The following PTPN4 variants were observed in gnomAD, a reference collection of about 807,000 sequenced individuals.
PTPN4 encodes the protein tyrosine-protein phosphatase non-receptor type 4.
A neutral mutation model predicts 135.5 loss-of-function variants in PTPN4; 49 were observed. The observed-to-expected ratio is 0.36, with a 90% confidence interval of 0.29 to 0.46. The LOEUF is 0.46. Among genes scored for constraint, PTPN4 ranks in the 20% least tolerant of loss-of-function variants. PTPN4 has a pLI of 1.00. For missense variants in PTPN4, 860 were observed against 1,101.0 expected, an observed-to-expected ratio of 0.78 and a Z score of 3.10; for synonymous variants, 333 against 369.9, an observed-to-expected ratio of 0.90 and a Z score of 1.14.
chr2:119,949,917 G>A (rs1042565022), intron 18 of PTPN4, among the ~76,000 whole-genome samples: 2 of 151,912 alleles, frequency 1.3e-5, no homozygotes, highest in Admixed American at 1.3e-4. Context: ...ATATATTTGA[G>A]CAAGACAGGG....
At chr2:119,796,900 T>C (rs115774881) in intron 1 of PTPN4, among the ~76,000 whole-genome samples, 2,554 of 150,318 alleles carry the variant, frequency 0.017, 44 homozygotes, top group Non-Finnish European at 0.027. Flanking sequence ...GTGTGTGTTT[T>C]GCCATTCTGA....
chr2:119,943,671 C>T (rs185615627), intron 15 of PTPN4, among the ~76,000 whole-genome samples: 20 of 147,534 alleles, frequency 1.4e-4, no homozygotes, highest in African/African-American at 3.5e-4. Context: ...CTGCAAGCTC[C>T]GCCTCCCAGG....
intron 11 of PTPN4, chr2:119,915,467 C>T (rs543292020): frequency 3.8e-5 from 11 of 288,872 alleles, no homozygotes; most frequent in South Asian, 3.2e-4. Flanking sequence ...TGCTGTTTCT[C>T]GAGCTTAGAA....
At chr2:119,928,788 A>G (rs1342325304) in intron 13 of PTPN4, among the ~76,000 whole-genome samples, 2 of 152,104 alleles carry the variant, frequency 1.3e-5, no homozygotes, top group Non-Finnish European at 2.9e-5. Context: ...GACTTTTATA[A>G]ACAGTGTAGA....
intron 2 of PTPN4, among the ~76,000 whole-genome samples, chr2:119,860,092 G>A (rs1156628679): frequency 6.6e-6 from 1 of 152,182 alleles, no homozygotes; most frequent in African/African-American, 2.4e-5. Flanking sequence ...GTGGAAGAAA[G>A]CATAGTTTCT....
chr2:119,854,055 A>AGGC (rs1241030310), intron 2 of PTPN4, among the ~76,000 whole-genome samples: 1 of 152,194 alleles, frequency 6.6e-6, no homozygotes, highest in African/African-American at 2.4e-5. Flanking sequence ...AGGCTGGAGG[A>AGGC]GGCGGTGTCT....
At chr2:119,894,762 T>C (rs1341862488) in intron 9 of PTPN4, among the ~76,000 whole-genome samples, 1 of 152,186 alleles carries the variant, frequency 6.6e-6, no homozygotes, top group African/African-American at 2.4e-5. Flanking sequence ...TAGAAACATA[T>C]GGCATACAGA....
intron 2 of PTPN4, among the ~76,000 whole-genome samples, chr2:119,853,780 G>A (rs1048602741): frequency 1.3e-5 from 2 of 151,774 alleles, no homozygotes; most frequent in Non-Finnish European, 2.9e-5. Context: ...CTTCTTTTCT[G>A]TTGTTCCAAG....
intron 8 of PTPN4, 72 bp downstream of exon 8, chr2:119,882,695 T>A: frequency 1.6e-6 from 2 of 1,218,570 alleles, no homozygotes; most frequent in Non-Finnish European, 2.2e-6. Flanking sequence ...TTTGAAATTC[T>A]AATATGATGG....
intron 2 of PTPN4, among the ~76,000 whole-genome samples, chr2:119,860,551 G>A (rs1183083429): frequency 6.6e-6 from 1 of 151,854 alleles, no homozygotes; most frequent in Admixed American, 6.6e-5. Flanking sequence ...TTGTGCCTCT[G>A]TACTTTCCAT....
At chr2:119,868,726 CG>C (rs1677867562) in intron 3 of PTPN4, among the ~76,000 whole-genome samples, 1 of 152,216 alleles carries the variant, frequency 6.6e-6, no homozygotes, top group Admixed American at 6.5e-5. Context: ...TCCTTTAATT[CG>C]GCCCATCCCT....
In PTPN4 at chr2:119,981,144, T is replaced by C. The variant is rs1285366884; in HGVS notation, c.*4074T>C. On this transcript the variant is annotated 3_prime_UTR_variant, in exon 27 of 27. Transcript: ENST00000263708. Reference sequence around the variant, plus strand: ...TGTGGGATATGTTTACAGGCTCTTTTATTTTGTGGTAGTTACTTTATAGTT... The same window carrying C: ...TGTGGGATATGTTTACAGGCTCTTTCATTTTGTGGTAGTTACTTTATAGTT... 1 of 152,094 alleles carries C rather than the reference T, an allele frequency of 6.6e-6. No individual in the cohort carries two copies. The highest frequency in any genetic ancestry group is 2.4e-5 in the African/African-American group (1 of 41,450). 9.4% of individuals were successfully genotyped at this position (152,094 alleles called of 1,614,324 possible).
intron 1 of PTPN4, among the ~76,000 whole-genome samples, chr2:119,784,795 A>C (rs1297255292): frequency 7.0e-6 from 1 of 143,308 alleles, no homozygotes; most frequent in Non-Finnish European, 1.5e-5. Flanking sequence ...GCCTCAGCCT[A>C]CCAAAGTGCT....
At chr2:119,831,697 G>A (rs1044602521) in intron 2 of PTPN4, among the ~76,000 whole-genome samples, 1 of 152,002 alleles carries the variant, frequency 6.6e-6, no homozygotes, top group African/African-American at 2.4e-5. Context: ...ATGTTTGCAT[G>A]GTGAATCATT....
At chr2:119,970,321 A>C (rs1679513149) in intron 26 of PTPN4, among the ~76,000 whole-genome samples, 1 of 152,092 alleles carries the variant, frequency 6.6e-6, no homozygotes, top group South Asian at 2.1e-4. Flanking sequence ...TGGCCTCTCA[A>C]AGTGCTGGGA....
chr2:119,830,245 A>G (rs890799386), intron 2 of PTPN4, among the ~76,000 whole-genome samples: 2 of 152,092 alleles, frequency 1.3e-5, no homozygotes, highest in African/African-American at 4.8e-5. Context: ...GTATGTGGAT[A>G]TCTTTTTGTC....
At chr2:119,782,265 A>G (rs573095824) in intron 1 of PTPN4, among the ~76,000 whole-genome samples, 17 of 152,022 alleles carry the variant, frequency 1.1e-4, no homozygotes, top group Non-Finnish European at 2.5e-4. Context: ...AAAAATACAA[A>G]AAAATTAGCC....
intron 1 of PTPN4, among the ~76,000 whole-genome samples, chr2:119,779,975 G>T (rs1179830609): frequency 4.6e-5 from 7 of 152,006 alleles, no homozygotes; most frequent in Non-Finnish European, 1.0e-4. Context: ...CAAACTCCTG[G>T]ACTCAAGAAC....
intron 10 of PTPN4, among the ~76,000 whole-genome samples, chr2:119,901,830 A>G (rs115049290): frequency 2.6e-5 from 4 of 152,348 alleles, no homozygotes; most frequent in Non-Finnish European, 4.4e-5. Context: ...AATGCATTGC[A>G]ACAGAAATGA....
Sources: allele counts gnomAD v4.1 joint callset (sites outside exome capture counted in the v4.1 genomes callset), GRCh38; gene constraint gnomAD v4.1.1; transcripts MANE v1.5; gene names NCBI Gene and HGNC (gene_info 2026-07-23, HGNC 2026-07-21).